The following PID1 variants were observed in gnomAD, a reference collection of about 807,000 sequenced individuals.
The protein encoded by PID1 is phosphotyrosine interaction domain containing 1.
Under a neutral mutation model 19.1 loss-of-function variants are expected in PID1, and 10 were observed. That is an observed-to-expected ratio of 0.52 (90% CI 0.32 to 0.89). PID1 has a LOEUF of 0.89. Among genes scored for constraint, PID1 ranks in the 40% least tolerant of loss-of-function variants. The pLI, the probability that PID1 is intolerant of heterozygous loss-of-function variation, is 0.03. For missense variants in PID1, 248 were observed against 285.3 expected (o/e 0.87, Z 0.94); for synonymous variants, 130 against 116.0 (o/e 1.12, Z -0.78).
chr2:229,156,229 T>C (rs879532736), intron 1 of PID1, among the ~76,000 whole-genome samples: 4 of 152,210 alleles, frequency 2.6e-5, no homozygotes, highest in Admixed American at 6.5e-5. Flanking sequence ...CATTATGTTC[T>C]GAGAAGCTCT....
intron 2 of PID1, among the ~76,000 whole-genome samples, chr2:229,109,270 G>A (rs755553528): frequency 6.6e-6 from 1 of 152,084 alleles, no homozygotes; most frequent in Non-Finnish European, 1.5e-5. Context: ...TTGGGTTACG[G>A]GTGATTTCAA....
At chr2:229,216,489 C>T (rs557781358) in intron 1 of PID1, among the ~76,000 whole-genome samples, 48 of 152,202 alleles carry the variant, frequency 3.2e-4, no homozygotes, top group Non-Finnish European at 1.5e-5. Flanking sequence ...TGACCAGCAG[C>T]TAAATGACCA....
chr2:229,258,734 C>A (rs964601342), intron 1 of PID1, among the ~76,000 whole-genome samples: 18 of 151,678 alleles, frequency 1.2e-4, no homozygotes, highest in African/African-American at 3.9e-4. Flanking sequence ...TAGTGGCGGG[C>A]GCCTGTAGTC....
At chr2:229,040,504 G>A (rs867350190) in intron 2 of PID1, among the ~76,000 whole-genome samples, 45 of 152,308 alleles carry the variant, frequency 3.0e-4, no homozygotes, top group African/African-American at 8.7e-4. Flanking sequence ...GTGGGAATGG[G>A]TAGAAGGCAT....
chr2:229,067,462 C>T lies in PID1; in HGVS notation c.178-41354G>A, dbSNP rs567192520. Among the ~76,000 whole-genome samples, 15 of 152,146 alleles carry T rather than the reference C, an allele frequency of 9.9e-5. No individual in the cohort carries two copies. In the South Asian group the frequency reaches 2.5e-3, roughly 25 times the overall value. On this transcript the variant is annotated intron_variant, in intron 2 of 2. Coordinates refer to ENST00000392055, the MANE Select transcript of PID1 (RefSeq NM_001100818.2). ...AATGTGAAGTTTATACTCAGTTTTC[C>T]TTCTTTTGTGAAATTGAGGCCACTG...
At chr2:229,161,474 C>T (rs978872520) in intron 1 of PID1, among the ~76,000 whole-genome samples, 1 of 151,904 alleles carries the variant, frequency 6.6e-6, no homozygotes, top group African/African-American at 2.4e-5. Flanking sequence ...TCTTGCAATA[C>T]AAATATATGG....
rs1559235225 is a variant in PID1, at chr2:229,105,563, AC to A, written c.177+50254del. ...TTGTTCAAGTGCCACCAGTGGCTTC[AC>A]CTGCTGAGTACTGTCAGTTCCCAAG... On this transcript the variant is annotated intron_variant, in intron 2 of 2. Coordinates refer to ENST00000392055, the MANE Select transcript of PID1 (RefSeq NM_001100818.2). 2.0e-5 allele frequency among the ~76,000 whole-genome samples: 3 copies of A among 152,194 alleles called. 1 individual carries two copies. The highest frequency in any genetic ancestry group is 2.0e-4 in the Admixed American group (3 of 15,280).
At chr2:229,071,128 A>G (rs976747775) in intron 2 of PID1, among the ~76,000 whole-genome samples, 1 of 152,188 alleles carries the variant, frequency 6.6e-6, no homozygotes, top group Non-Finnish European at 1.5e-5. Context: ...TGTTCTTCCA[A>G]TGTATTTTCA....
chr2:229,200,442 G>A (rs1691474695), intron 1 of PID1, among the ~76,000 whole-genome samples: 1 of 151,944 alleles, frequency 6.6e-6, no homozygotes, highest in African/African-American at 2.4e-5. Flanking sequence ...CCACTATAAA[G>A]GAACCCTCCT....
intron 2 of PID1, among the ~76,000 whole-genome samples, chr2:229,096,194 C>G (rs1694967945): frequency 6.6e-6 from 1 of 152,082 alleles, no homozygotes; most frequent in South Asian, 2.1e-4. Context: ...GAGGTTGGAT[C>G]TAAGTAAATA....
intron 2 of PID1, among the ~76,000 whole-genome samples, chr2:229,135,542 A>G (rs1007395139): frequency 3.9e-5 from 6 of 152,214 alleles, no homozygotes; most frequent in Admixed American, 2.0e-4. Context: ...CAGATAGACT[A>G]TTGTATGAAA....
At chr2:229,159,171 TGCCTGAATCAAAACA>T (rs1690444507) in intron 1 of PID1, among the ~76,000 whole-genome samples, 1 of 152,210 alleles carries the variant, frequency 6.6e-6, no homozygotes, top group African/African-American at 2.4e-5. Flanking sequence ...GTGCGTTGCA[TGCCTGAATCAAAACA>T]GCTCATCTCA....
rs185299747 is a variant in PID1 at position 229,095,539 on chromosome 2, A to G, written c.177+60279T>C. ...CAATTACCATTCCATTATTGGGAGGAGTGAATTAGAAAGTGAAGAGATACT... is the reference window on the plus strand; with the variant it reads ...CAATTACCATTCCATTATTGGGAGGGGTGAATTAGAAAGTGAAGAGATACT... On this transcript the variant is annotated intron_variant, in intron 2 of 2. Transcript: ENST00000392055. 8.6e-3 allele frequency among the ~76,000 whole-genome samples: 1,314 copies of G among 152,228 alleles called. 6 individuals carry two copies. Among genetic ancestry groups the G allele is most frequent in the Non-Finnish European group, 0.013 (915 of 68,010 alleles).
intron 2 of PID1, among the ~76,000 whole-genome samples, chr2:229,085,206 CA>C (rs1172090108): frequency 1.3e-5 from 2 of 150,144 alleles, no homozygotes; most frequent in Non-Finnish European, 3.0e-5. Flanking sequence ...CTCTCATCCT[CA>C]TACTACATAT....
At chr2:229,228,044 CTG>C in intron 1 of PID1, 1 of 455,918 alleles carries the variant, frequency 2.2e-6, no homozygotes, top group Admixed American at 2.3e-5. Flanking sequence ...TGTATTGTGA[CTG>C]GAGTTGCAGC....
intron 2 of PID1, among the ~76,000 whole-genome samples, chr2:229,075,263 C>T (rs1317870137): frequency 1.3e-5 from 2 of 152,182 alleles, no homozygotes; most frequent in Non-Finnish European, 1.5e-5. Flanking sequence ...ATCATTCTTG[C>T]ACCATGGTGA....
chr2:229,151,108 T>C (rs1292007906), intron 2 of PID1, among the ~76,000 whole-genome samples: 4 of 152,026 alleles, frequency 2.6e-5, no homozygotes, highest in Non-Finnish European at 4.4e-5. Flanking sequence ...AACTAGCCCT[T>C]ACATTTTTTT....
intron 2 of PID1, among the ~76,000 whole-genome samples, chr2:229,062,058 C>T (rs1392000210): frequency 6.7e-6 from 1 of 150,358 alleles, no homozygotes; most frequent in Admixed American, 6.6e-5. Flanking sequence ...TTCACTTCTT[C>T]CTTTCCTATT....
intron 2 of PID1, among the ~76,000 whole-genome samples, chr2:229,106,043 C>A (rs6739683): frequency 7.7e-6 from 1 of 130,458 alleles, no homozygotes; most frequent in Non-Finnish European, 1.5e-5. Flanking sequence ...TGCGCCACTG[C>A]ATTCCAAGCC....
Sources: gnomAD v4.1 joint callset for allele counts (sites outside exome capture counted in the v4.1 genomes callset) on GRCh38, gnomAD v4.1.1 for gene constraint, MANE v1.5 for transcripts, NCBI Gene and HGNC (gene_info 2026-07-23, HGNC 2026-07-21) for gene names.